The following LRP1B variants were observed in gnomAD, a reference collection of about 807,000 sequenced individuals.
The protein encoded by LRP1B is low-density lipoprotein receptor-related protein 1B.
A neutral mutation model predicts 556.6 loss-of-function variants in LRP1B; 217 were observed. The observed-to-expected ratio is 0.39, with a 90% CI of 0.35 to 0.44. LRP1B has a LOEUF of 0.44. LRP1B is among the 20% of genes least tolerant of loss of function. The pLI, the probability that LRP1B is intolerant of heterozygous loss-of-function variation, is 1.00. For missense variants in LRP1B, 5,053 were observed against 5,620.8 expected, an observed-to-expected ratio of 0.90 and a Z score of 3.23; for synonymous variants, 2,047 against 1,865.8, an observed-to-expected ratio of 1.10 and a Z score of -2.50.
chr2:141,975,232 T>A (rs922166164), intron 1 of LRP1B, among the ~76,000 whole-genome samples: 2 of 152,072 alleles, frequency 1.3e-5, no homozygotes, highest in Non-Finnish European at 2.9e-5. Context: ...AGTGACACTT[T>A]GGGCTGGTAT....
intron 59 of LRP1B, 142 bp downstream of exon 59, chr2:140,485,201 G>T (rs1302508172): frequency 2.1e-6 from 1 of 466,506 alleles, no homozygotes. Flanking sequence ...TCACATTACT[G>T]TTTTTTTCTA....
chr2:141,734,411 A>G (rs945930716), intron 2 of LRP1B, among the ~76,000 whole-genome samples: 10 of 152,182 alleles, frequency 6.6e-5, no homozygotes, highest in African/African-American at 2.2e-4. Flanking sequence ...CTCTTTCCAT[A>G]TAAATAATAT....
At chr2:141,845,585 C>T (rs557331811) in intron 1 of LRP1B, among the ~76,000 whole-genome samples, 31 of 151,884 alleles carry the variant, frequency 2.0e-4, no homozygotes, top group Non-Finnish European at 3.8e-4. Context: ...TTAGGCCACC[C>T]ATTCTTACCT....
chr2:141,235,818 T>C (rs1384674695), intron 5 of LRP1B, among the ~76,000 whole-genome samples: 2 of 152,206 alleles, frequency 1.3e-5, no homozygotes, highest in Admixed American at 6.6e-5. Context: ...TTAAGATTAA[T>C]ACTCACTTAA....
intron 6 of LRP1B, among the ~76,000 whole-genome samples, chr2:141,217,366 T>G (rs1682855810): frequency 6.6e-6 from 1 of 152,198 alleles, no homozygotes; most frequent in Non-Finnish European, 1.5e-5. Context: ...GGTAATGAAG[T>G]AAATATGTAG....
At chr2:141,847,520 T>G (rs931087708) in intron 1 of LRP1B, among the ~76,000 whole-genome samples, 1 of 151,550 alleles carries the variant, frequency 6.6e-6, no homozygotes, top group African/African-American at 2.4e-5. Flanking sequence ...AATTGATTAT[T>G]TTTTTCCTAA....
chr2:140,889,727 G>A (rs1693742814), intron 23 of LRP1B, among the ~76,000 whole-genome samples: 1 of 152,194 alleles, frequency 6.6e-6, no homozygotes, highest in African/African-American at 2.4e-5. Flanking sequence ...CCATGCCAAA[G>A]TCACACAGCT....
intron 41 of LRP1B, among the ~76,000 whole-genome samples, chr2:140,690,879 T>A (rs1305087940): frequency 6.6e-6 from 1 of 152,180 alleles, no homozygotes; most frequent in Non-Finnish European, 1.5e-5. Flanking sequence ...GTTGTAATTA[T>A]CTAAATAGGT....
chr2:141,469,178 T>C (rs778281036), intron 3 of LRP1B, among the ~76,000 whole-genome samples: 2 of 152,184 alleles, frequency 1.3e-5, no homozygotes, highest in South Asian at 4.1e-4. Flanking sequence ...AATATGCAAA[T>C]GTATGCCAAA....
At chr2:140,326,860 A>G (rs1680514165) in intron 79 of LRP1B, among the ~76,000 whole-genome samples, 1 of 151,986 alleles carries the variant, frequency 6.6e-6, no homozygotes, top group Non-Finnish European at 1.5e-5. Flanking sequence ...TAAAAATAAT[A>G]TTTTTCTACT....
At chr2:141,065,478 ACTC>A (rs1448320690) in intron 7 of LRP1B, among the ~76,000 whole-genome samples, 4 of 151,710 alleles carry the variant, frequency 2.6e-5, no homozygotes, top group Non-Finnish European at 5.9e-5. Flanking sequence ...TTCTTGCTCA[ACTC>A]CTTTAATCTT....
intron 3 of LRP1B, among the ~76,000 whole-genome samples, chr2:141,470,231 G>C (rs993790189): frequency 6.6e-6 from 1 of 151,998 alleles, no homozygotes; most frequent in Middle Eastern, 3.2e-3. Flanking sequence ...ACTTCTTATT[G>C]TTACTGGTGC....
intron 1 of LRP1B, among the ~76,000 whole-genome samples, chr2:141,813,489 G>A (rs1696425856): frequency 6.6e-6 from 1 of 152,036 alleles, no homozygotes. Flanking sequence ...CACTAAAGAG[G>A]TCAACGTGGC....
intron 3 of LRP1B, among the ~76,000 whole-genome samples, chr2:141,465,590 C>T (rs1432353753): frequency 6.7e-6 from 1 of 148,434 alleles, no homozygotes; most frequent in Non-Finnish European, 1.5e-5. Context: ...GGCTCTATCG[C>T]CCAGGCTGGA....
intron 2 of LRP1B, among the ~76,000 whole-genome samples, chr2:141,499,743 A>T (rs1318355682): frequency 6.6e-6 from 1 of 152,148 alleles, no homozygotes; most frequent in Non-Finnish European, 1.5e-5. Context: ...AAAGAAAATT[A>T]ACAAAGAATA....
chr2:141,354,544 G>A (rs2683830), intron 3 of LRP1B, among the ~76,000 whole-genome samples: 87,478 of 151,882 alleles, frequency 0.58, 25,929 homozygotes, highest in Middle Eastern at 0.64. Context: ...TCAATGTACT[G>A]GAATATAAAT....
chr2:142,063,780 G>C (rs995762092), intron 1 of LRP1B, among the ~76,000 whole-genome samples: 1 of 151,416 alleles, frequency 6.6e-6, no homozygotes, highest in Admixed American at 6.6e-5. Flanking sequence ...AAATTTCAAG[G>C]ATTTCAGTTC....
rs529487118 is a variant in LRP1B at position 140,933,763 on chromosome 2, C to T, written c.3137-10616G>A. The stretch of plus-strand genomic sequence containing the variant: ...GATAATTGGCTTCTTTCCTTCTATT[C>T]TTATGAACCATGTTCTAATATTTTA... On this transcript the variant is annotated intron_variant, in intron 20 of 90. Coordinates refer to ENST00000389484, the MANE Select transcript of LRP1B (RefSeq NM_018557.3). Among the ~76,000 whole-genome samples the T allele has an allele frequency of 2.0e-5, 3 of 152,110 alleles. No homozygotes were observed. In the East Asian group the frequency reaches 5.8e-4, roughly 29 times the overall value.
At chr2:141,591,553 G>C (rs901202404) in intron 2 of LRP1B, among the ~76,000 whole-genome samples, 7 of 151,294 alleles carry the variant, frequency 4.6e-5, no homozygotes, top group African/African-American at 1.5e-4. Context: ...GCAGAAAATT[G>C]TAAGATCACT....
Sources: gnomAD v4.1 joint callset for allele counts (sites outside exome capture counted in the v4.1 genomes callset) on GRCh38, gnomAD v4.1.1 for gene constraint, MANE v1.5 for transcripts, NCBI Gene and HGNC (gene_info 2026-07-23, HGNC 2026-07-21) for gene names.